The following MAGI1 variants were observed in gnomAD, a reference collection of about 807,000 sequenced individuals.
The protein encoded by MAGI1 is membrane associated guanylate kinase, WW and PDZ domain containing 1, also known as membrane-associated guanylate kinase, WW and PDZ domain-containing protein 1.
In MAGI1, 58 loss-of-function variants were observed where a neutral mutation model predicts 139.9. That is an observed-to-expected ratio of 0.41 (90% CI 0.34 to 0.52). The LOEUF (loss-of-function observed/expected upper bound fraction) is 0.52, where lower values mean the gene tolerates loss of function less well. Among genes scored for constraint, MAGI1 ranks in the 20% least tolerant of loss-of-function variants. The pLI is 0.12. For missense variants in MAGI1, 1,874 were observed against 1,901.6 expected, an observed-to-expected ratio of 0.99 and a Z score of 0.27; for synonymous variants, 812 against 737.9, an observed-to-expected ratio of 1.10 and a Z score of -1.63.
chr3:65,582,754 A>G (rs754334246), intron 2 of MAGI1, among the ~76,000 whole-genome samples: 18 of 152,220 alleles, frequency 1.2e-4, no homozygotes, highest in African/African-American at 2.6e-4. Context: ...ATCTACTCCA[A>G]TCACCTCTGA....
intron 1 of MAGI1, among the ~76,000 whole-genome samples, chr3:65,970,463 G>A (rs901115349): frequency 2.0e-5 from 3 of 151,358 alleles, no homozygotes; most frequent in African/African-American, 7.3e-5. Flanking sequence ...CCACAGAAGT[G>A]TACATGCAAA....
chr3:65,490,857 A>AAAAT (rs1951975101), intron 3 of MAGI1, among the ~76,000 whole-genome samples: 2 of 146,214 alleles, frequency 1.4e-5, no homozygotes, highest in African/African-American at 5.1e-5. Context: ...AAAAAAAAAA[A>AAAAT]GAAAAAAGAA....
At chr3:65,510,238 G>A (rs959595593) in intron 2 of MAGI1, among the ~76,000 whole-genome samples, 15 of 152,308 alleles carry the variant, frequency 9.8e-5, no homozygotes, top group East Asian at 9.7e-4. Flanking sequence ...ACTGTAAAAC[G>A]CAGAGCGCCT....
chr3:65,405,699 A>G (rs979535844), intron 12 of MAGI1, among the ~76,000 whole-genome samples: 1 of 152,092 alleles, frequency 6.6e-6, no homozygotes, highest in Non-Finnish European at 1.5e-5. Context: ...GGTTCAAGCA[A>G]TTCTCCTGCC....
At chr3:65,534,829 G>A (rs1390436501) in intron 2 of MAGI1, among the ~76,000 whole-genome samples, 1 of 152,178 alleles carries the variant, frequency 6.6e-6, no homozygotes, top group Non-Finnish European at 1.5e-5. Context: ...CCAATCCAGG[G>A]CATCAGTAGG....
At chr3:65,635,531 T>G (rs2084561589) in intron 1 of MAGI1, among the ~76,000 whole-genome samples, 2 of 152,320 alleles carry the variant, frequency 1.3e-5, no homozygotes, top group South Asian at 4.1e-4. Flanking sequence ...GAGTGACATC[T>G]GAATGGCACA....
At chr3:65,453,026 C>T (rs372261537) in intron 6 of MAGI1, 25 of 494,428 alleles carry the variant, frequency 5.1e-5, no homozygotes, top group African/African-American at 4.4e-4. Context: ...GACTGTTCTG[C>T]TTCTAATGGA....
chr3:65,384,485 C>G (rs957074074), intron 14 of MAGI1, among the ~76,000 whole-genome samples: 5 of 152,148 alleles, frequency 3.3e-5, no homozygotes, highest in Admixed American at 6.5e-5. Context: ...CACAGTGGCA[C>G]TCCCAGCACT....
intron 1 of MAGI1, among the ~76,000 whole-genome samples, chr3:65,839,421 G>A (rs913118028): frequency 6.7e-6 from 1 of 148,278 alleles, no homozygotes; most frequent in African/African-American, 2.5e-5. Context: ...TTTTTTAATT[G>A]ACTGTAAAAC....
intron 1 of MAGI1, among the ~76,000 whole-genome samples, chr3:65,669,348 G>A (rs2107452158): frequency 6.6e-6 from 1 of 152,178 alleles, no homozygotes; most frequent in East Asian, 1.9e-4. Flanking sequence ...TTTGATGAGA[G>A]GAATGAGCAG....
chr3:65,638,148 G>A (rs1204912617), intron 1 of MAGI1, among the ~76,000 whole-genome samples: 1 of 152,026 alleles, frequency 6.6e-6, no homozygotes, highest in Non-Finnish European at 1.5e-5. Context: ...AATCACTCTG[G>A]GTCTCCATTT....
chr3:65,530,656 TGTGTGTATATATATATAC>T (rs2078618687), intron 2 of MAGI1, among the ~76,000 whole-genome samples: 1 of 134,742 alleles, frequency 7.4e-6, no homozygotes, highest in African/African-American at 3.1e-5. Flanking sequence ...TGTGTGTGTG[TGTGTGTATATATATATAC>T]ATATATATAT....
intron 1 of MAGI1, among the ~76,000 whole-genome samples, chr3:65,627,094 G>A (rs529148904): frequency 2.0e-5 from 3 of 152,098 alleles, no homozygotes; most frequent in Non-Finnish European, 4.4e-5. Flanking sequence ...AAATTACAAC[G>A]CCGTATTTTT....
intron 2 of MAGI1, among the ~76,000 whole-genome samples, chr3:65,494,319 CA>C (rs1341570567): frequency 9.9e-5 from 15 of 152,164 alleles, no homozygotes; most frequent in African/African-American, 3.6e-4. Context: ...CAGTGGCTAA[CA>C]AATGTAACGC....
intron 3 of MAGI1, among the ~76,000 whole-genome samples, chr3:65,481,361 T>C (rs1267235160): frequency 6.6e-6 from 1 of 152,202 alleles, no homozygotes; most frequent in Non-Finnish European, 1.5e-5. Context: ...CATGCCTTCA[T>C]TGAAGGTGTA....
intron 2 of MAGI1, among the ~76,000 whole-genome samples, chr3:65,589,054 T>G (rs956827738): frequency 6.6e-6 from 1 of 152,142 alleles, no homozygotes; most frequent in African/African-American, 2.4e-5. Flanking sequence ...TCTAATGTTG[T>G]TAGGTTCAGA....
chr3:65,534,895 T>A (rs974286888), intron 2 of MAGI1, among the ~76,000 whole-genome samples: 1 of 151,824 alleles, frequency 6.6e-6, no homozygotes, highest in South Asian at 2.1e-4. Context: ...ACGGGGTGAG[T>A]TTGTTCAACC....
intron 1 of MAGI1, among the ~76,000 whole-genome samples, chr3:65,803,321 A>C (rs984582914): frequency 6.6e-6 from 1 of 152,192 alleles, no homozygotes; most frequent in Non-Finnish European, 1.5e-5. Flanking sequence ...ATATGAAAAA[A>C]TATCAAAGGT....
intron 10 of MAGI1, among the ~76,000 whole-genome samples, chr3:65,433,544 C>T (rs1441586713): frequency 6.6e-6 from 1 of 152,096 alleles, no homozygotes; most frequent in Non-Finnish European, 1.5e-5. Flanking sequence ...ACCCCATAAG[C>T]AGTGGAATTT....
Sources: gnomAD v4.1 joint callset for allele counts (sites outside exome capture counted in the v4.1 genomes callset) on GRCh38, gnomAD v4.1.1 for gene constraint, MANE v1.5 for transcripts, NCBI Gene and HGNC (gene_info 2026-07-23, HGNC 2026-07-21) for gene names.